SATL1: variants seen among roughly 807,000 people sequenced by gnomAD.
SATL1 encodes the protein spermidine/spermine N(1)-acetyltransferase-like protein 1.
SATL1 carries 47 observed loss-of-function variants against 51.8 expected under a neutral mutation model. That is an observed-to-expected ratio of 0.91 (90% CI 0.72 to 1.16). SATL1 has a LOEUF of 1.16. SATL1 is among the 50% of genes most tolerant of loss of function. The pLI is 0.00. For missense variants in SATL1, 520 were observed against 526.4 expected (o/e 0.99, Z 0.12); for synonymous variants, 176 against 182.4 (o/e 0.97, Z 0.28).
intron 2 of SATL1, among the ~76,000 whole-genome samples, chrX:85,110,218 T>A (rs1192454573): frequency 2.7e-5 from 3 of 111,332 alleles, no homozygotes; most frequent in African/African-American, 9.8e-5. Context: ...CCCAGATCTA[T>A]CTTTCCAGGC....
In SATL1 at chrX:85,107,493, G is replaced by T. The variant is rs754411074; in HGVS notation, c.1476C>A (p.Ser492Arg). 8.3e-7 allele frequency: 1 copy of T among 1,210,880 alleles called. No individual in the cohort carries two copies. The highest frequency in any genetic ancestry group is 2.2e-5 in the Admixed American group (1 of 45,931). Residue 492 changes from serine to arginine, a missense_variant, in exon 3 of 8, where the codon AGC becomes AGA. By Grantham distance (110) the Ser-to-Arg change is moderately radical. Transcript: ENST00000644105. ...GCACTAATTGGTTCAGGTCTTGTTGGCTCAGGCCTGGCTGACTCGGCCCCG... is the reference window on the plus strand; with the variant it reads ...GCACTAATTGGTTCAGGTCTTGTTGTCTCAGGCCTGGCTGACTCGGCCCCG... ...WEPGPSQPGL[S>R]QQDLNQLVLS...
intron 2 of SATL1, among the ~76,000 whole-genome samples, chrX:85,194,420 G>C (rs1927505986): frequency 9.0e-6 from 1 of 111,380 alleles, no homozygotes; most frequent in South Asian, 3.8e-4. Flanking sequence ...TCGTGGCCTA[G>C]TAGTAATAAC....
intron 2 of SATL1, among the ~76,000 whole-genome samples, chrX:85,201,305 G>A (rs202061901): frequency 9.0e-6 from 1 of 111,107 alleles, no homozygotes; most frequent in South Asian, 3.8e-4. Flanking sequence ...ATAGGGGACT[G>A]TTAATTAACA....
chrX:85,136,097 G>A (rs1454644903), intron 2 of SATL1, among the ~76,000 whole-genome samples: 5 of 110,308 alleles, frequency 4.5e-5, no homozygotes, highest in Admixed American at 9.8e-5. Context: ...GGGGATCGTA[G>A]GGCAGAGGAA....
intron 2 of SATL1, among the ~76,000 whole-genome samples, chrX:85,148,580 C>A (rs892660949): frequency 1.8e-5 from 2 of 111,011 alleles, no homozygotes; most frequent in Admixed American, 1.9e-4. Context: ...GTCGGGTTAC[C>A]CACAAAGGGA....
chrX:85,107,957 C>A lies in SATL1; in HGVS notation c.1012G>T (p.Glu338Ter), dbSNP rs771365888. Residue 338 changes from glutamate to a stop codon, truncating the protein, a stop_gained, in exon 3 of 8, where the codon GAA becomes TAA. Transcript: ENST00000644105. LOFTEE classifies it high-confidence loss of function. ...ATGCTTGCTTCACTCAGGACTAGTT[C>A]GCTCAGGCTTTGTGGCCACATGCCT... Reference protein sequence around the residue: ...QPGMWPQSLSELVLSEASISQ... With the variant: ...QPGMWPQSLS The A allele has an allele frequency of 2.5e-6, 3 of 1,205,544 alleles. No homozygotes were observed. Among genetic ancestry groups the A allele is most frequent in the Non-Finnish European group, 3.4e-6 (3 of 893,544 alleles).
intron 2 of SATL1, chrX:85,210,925 T>C (rs2147755521): frequency 8.9e-6 from 1 of 111,765 alleles, no homozygotes; most frequent in African/African-American, 3.2e-5. Context: ...TGTCTTTTTT[T>C]TCCTGTTTGT....
At chrX:85,141,907 C>G (rs1226566366) in intron 2 of SATL1, among the ~76,000 whole-genome samples, 1 of 106,844 alleles carries the variant, frequency 9.4e-6, no homozygotes, top group Non-Finnish European at 1.9e-5. Flanking sequence ...AACAAATAAA[C>G]AAAAATGCCT....
intron 2 of SATL1, among the ~76,000 whole-genome samples, chrX:85,179,674 T>G (rs1927158827): frequency 9.0e-6 from 1 of 111,257 alleles, no homozygotes; most frequent in African/African-American, 3.3e-5. Flanking sequence ...ATCTACCATA[T>G]GCCATATTTT....
intron 2 of SATL1, among the ~76,000 whole-genome samples, chrX:85,213,668 G>A (rs769059227): frequency 1.3e-4 from 15 of 111,832 alleles, no homozygotes; most frequent in Non-Finnish European, 2.4e-4. Context: ...ACACAGATTT[G>A]TAGTTTTAAG....
intron 2 of SATL1, among the ~76,000 whole-genome samples, chrX:85,212,465 G>T (rs1438930413): frequency 1.8e-5 from 2 of 111,213 alleles, no homozygotes; most frequent in Non-Finnish European, 3.8e-5. Flanking sequence ...GTGAGAAATA[G>T]AATAAAAAGA....
intron 2 of SATL1, among the ~76,000 whole-genome samples, chrX:85,161,992 A>C (rs976474334): frequency 1.8e-5 from 2 of 112,080 alleles, no homozygotes; most frequent in African/African-American, 6.5e-5. Context: ...TAAAATTAGA[A>C]ATCGAGACTA....
chrX:85,202,035 G>A (rs901636631), intron 2 of SATL1, among the ~76,000 whole-genome samples: 2 of 111,765 alleles, frequency 1.8e-5, no homozygotes, highest in South Asian at 3.8e-4. Flanking sequence ...TTGGGGAATC[G>A]CCACTACTTT....
chrX:85,150,894 GA>G (rs1926412109), intron 2 of SATL1, among the ~76,000 whole-genome samples: 1 of 110,395 alleles, frequency 9.1e-6, no homozygotes, highest in Admixed American at 9.8e-5. Context: ...CATTCCCTTT[GA>G]AAACTGGCAC....
intron 4 of SATL1, among the ~76,000 whole-genome samples, chrX:85,097,620 G>A (rs1234758059): frequency 1.8e-5 from 2 of 112,303 alleles, no homozygotes; most frequent in South Asian, 7.4e-4. Context: ...GGGGTTACAG[G>A]CGTGAGCCAC....
intron 2 of SATL1, among the ~76,000 whole-genome samples, chrX:85,166,941 A>ATATATATG (rs1926851337): frequency 5.2e-5 from 4 of 77,594 alleles, no homozygotes; most frequent in Non-Finnish European, 7.9e-5. Context: ...ATATATGTGT[A>ATATATATG]TGTGTGTGTG....
intron 2 of SATL1, chrX:85,219,383 C>T (rs1438918647): frequency 8.9e-6 from 1 of 112,034 alleles, no homozygotes; most frequent in Non-Finnish European, 1.9e-5. Context: ...CCCTCTCTCA[C>T]TCTATGACTC....
intron 2 of SATL1, among the ~76,000 whole-genome samples, chrX:85,120,776 A>G (rs181124744): frequency 1.8e-5 from 2 of 111,775 alleles, no homozygotes; most frequent in South Asian, 3.7e-4. Flanking sequence ...GAGCCTTTCT[A>G]TTACAAAAAA....
chrX:85,187,447 AGT>A (rs1376075665), intron 2 of SATL1, among the ~76,000 whole-genome samples: 5 of 111,551 alleles, frequency 4.5e-5, no homozygotes, highest in Non-Finnish European at 7.5e-5. Context: ...CATTCTGAGC[AGT>A]GTGTTTATCA....
Sources: gnomAD v4.1 joint callset for allele counts (sites outside exome capture counted in the v4.1 genomes callset) on GRCh38, gnomAD v4.1.1 for gene constraint, MANE v1.5 for transcripts, NCBI Gene and HGNC (gene_info 2026-07-23, HGNC 2026-07-21) for gene names.